Variants in MAMDC2 observed in about 807,000 individuals in gnomAD.
The protein encoded by MAMDC2 is MAM domain containing 2.
Under a neutral mutation model 89.8 loss-of-function variants are expected in MAMDC2, and 57 were observed. The ratio of observed to expected loss-of-function variants is 0.63; its 90% CI spans 0.51 to 0.79. MAMDC2 has a LOEUF of 0.79. Among genes scored for constraint, MAMDC2 ranks in the 30% least tolerant of loss-of-function variants. The pLI is 0.00. For synonymous variants in MAMDC2, 313 were observed against 293.4 expected (o/e 1.07, Z -0.68); for missense variants, 800 against 820.6 (o/e 0.97, Z 0.31).
intron 2 of MAMDC2, among the ~76,000 whole-genome samples, chr9:70,091,700 A>T (rs1445100356): frequency 6.6e-6 from 1 of 152,166 alleles, no homozygotes; most frequent in South Asian, 2.1e-4. Context: ...TAACTGTCCA[A>T]TTGTATCATG....
intron 12 of MAMDC2, among the ~76,000 whole-genome samples, chr9:70,221,356 A>AATATATATATAT (rs1215738162): frequency 0.013 from 118 of 9,370 alleles, 25 homozygotes; most frequent in Non-Finnish European, 0.017. Context: ...CCAAACAACA[A>AATATATATATAT]ATATATATAT....
intron 12 of MAMDC2, among the ~76,000 whole-genome samples, chr9:70,221,256 G>A (rs1009040819): frequency 5.4e-5 from 8 of 148,710 alleles, no homozygotes; most frequent in South Asian, 2.1e-4. Context: ...TCGGGAGGCC[G>A]AGGTGGGAGG....
At chr9:70,091,066 T>A (rs532532612) in intron 2 of MAMDC2, among the ~76,000 whole-genome samples, 8 of 152,326 alleles carry the variant, frequency 5.3e-5, no homozygotes, top group Non-Finnish European at 1.0e-4. Context: ...TCTAAAGATA[T>A]GTTTGTGTGT....
chr9:70,056,739 CA>C (rs1159343198), intron 2 of MAMDC2, among the ~76,000 whole-genome samples: 1 of 152,174 alleles, frequency 6.6e-6, no homozygotes, highest in African/African-American at 2.4e-5. Flanking sequence ...CAGGATTGAG[CA>C]GCAGGCAGGC....
intron 2 of MAMDC2, among the ~76,000 whole-genome samples, chr9:70,065,609 C>A (rs1338293151): frequency 2.0e-5 from 3 of 150,356 alleles, no homozygotes; most frequent in Non-Finnish European, 4.4e-5. Flanking sequence ...TACATGGAGG[C>A]CCCTGAAAGT....
chr9:70,159,047 T>TACACACACACAC (rs755304556), intron 9 of MAMDC2, among the ~76,000 whole-genome samples: 74 of 145,148 alleles, frequency 5.1e-4, no homozygotes, highest in African/African-American at 1.7e-3. Flanking sequence ...GCATGCATAA[T>TACACACACACAC]ACACACACAC....
At chr9:70,208,802 C>T (rs1167591205) in intron 11 of MAMDC2, among the ~76,000 whole-genome samples, 2 of 152,196 alleles carry the variant, frequency 1.3e-5, no homozygotes, top group East Asian at 3.9e-4. Flanking sequence ...TGAGATATGT[C>T]CCATCAATAC....
intron 7 of MAMDC2, among the ~76,000 whole-genome samples, chr9:70,136,754 ATTTGGGAT>A (rs2031027184): frequency 1.3e-5 from 2 of 152,136 alleles, no homozygotes; most frequent in Non-Finnish European, 2.9e-5. Flanking sequence ...CCCTCTGTAG[ATTTGGGAT>A]TTTTATTTGT....
At chr9:70,197,274 T>C (rs576530767) in intron 11 of MAMDC2, among the ~76,000 whole-genome samples, 8 of 152,216 alleles carry the variant, frequency 5.3e-5, no homozygotes, top group East Asian at 3.9e-4. Context: ...AAACTGCAAA[T>C]GTCTGCTGGA....
intron 2 of MAMDC2, among the ~76,000 whole-genome samples, chr9:70,059,473 T>G (rs1055402598): frequency 6.6e-6 from 1 of 152,196 alleles, no homozygotes; most frequent in Non-Finnish European, 1.5e-5. Flanking sequence ...TGTTAAGCTC[T>G]TCTTTCATGA....
intron 9 of MAMDC2, chr9:70,157,713 A>G (rs1237488415): frequency 6.6e-6 from 1 of 152,586 alleles, no homozygotes; most frequent in Non-Finnish European, 1.5e-5. Flanking sequence ...GTTCTGCTTT[A>G]TTCAAACGAG....
chr9:70,168,132 T>C (rs1185735687), intron 9 of MAMDC2, among the ~76,000 whole-genome samples: 1 of 152,234 alleles, frequency 6.6e-6, no homozygotes, highest in African/African-American at 2.4e-5. Context: ...TGTCAATTCT[T>C]TACGAAATGC....
chr9:70,052,462 CCTATGCTTTAAGGTCCAG>C (rs1826931506), intron 2 of MAMDC2, among the ~76,000 whole-genome samples: 1 of 152,202 alleles, frequency 6.6e-6, no homozygotes, highest in African/African-American at 2.4e-5. Context: ...TTAGGTTCCA[CCTATGCTTTAAGGTCCAG>C]CTTTTTCTTA....
At chr9:70,088,051 C>T (rs2997681) in intron 2 of MAMDC2, among the ~76,000 whole-genome samples, 28,126 of 152,034 alleles carry the variant, frequency 0.18, 3,657 homozygotes, top group African/African-American at 0.37. Context: ...TTAGAGTGTT[C>T]AGTTGGGAAA....
intron 11 of MAMDC2, among the ~76,000 whole-genome samples, chr9:70,183,230 T>C (rs545865210): frequency 6.6e-6 from 1 of 152,234 alleles, no homozygotes; most frequent in African/African-American, 2.4e-5. Flanking sequence ...TTATGATTTC[T>C]GTTCTTTTGC....
At chr9:70,105,598 AT>A (rs1333440590) in intron 2 of MAMDC2, among the ~76,000 whole-genome samples, 2 of 152,218 alleles carry the variant, frequency 1.3e-5, no homozygotes, top group Non-Finnish European at 2.9e-5. Flanking sequence ...AAATTCCAAT[AT>A]TTTAAAATAA....
chr9:70,165,152 A>G (rs1183760149), intron 9 of MAMDC2, among the ~76,000 whole-genome samples: 3 of 152,130 alleles, frequency 2.0e-5, no homozygotes, highest in Admixed American at 6.5e-5. Flanking sequence ...ACTATGACTA[A>G]TTCCCTTCTT....
At chr9:70,067,593 A>C (rs1827297818) in intron 2 of MAMDC2, among the ~76,000 whole-genome samples, 1 of 152,226 alleles carries the variant, frequency 6.6e-6, no homozygotes, top group African/African-American at 2.4e-5. Context: ...AAAGTAATTG[A>C]TTCCAAGCTC....
intron 11 of MAMDC2, among the ~76,000 whole-genome samples, chr9:70,216,023 A>C (rs2033439764): frequency 6.6e-6 from 1 of 152,178 alleles, no homozygotes; most frequent in Non-Finnish European, 1.5e-5. Context: ...TATTTTTGGA[A>C]ATGATTAATT....
Sources: gnomAD v4.1 joint callset for allele counts (sites outside exome capture counted in the v4.1 genomes callset) on GRCh38, gnomAD v4.1.1 for gene constraint, MANE v1.5 for transcripts, NCBI Gene and HGNC (gene_info 2026-07-23, HGNC 2026-07-21) for gene names.